Variants in NAV3 observed in about 807,000 individuals in gnomAD.
NAV3 encodes neuron navigator 3, also known as pore membrane and/or filament interacting like protein 1.
In NAV3, 87 loss-of-function variants were observed where a neutral mutation model predicts 244.7. The ratio of observed to expected loss-of-function variants is 0.36; its 90% CI spans 0.30 to 0.42. The LOEUF is 0.42. Among genes scored for constraint, NAV3 ranks in the 20% least tolerant of loss-of-function variants. NAV3 has a pLI of 1.00. For synonymous variants in NAV3, 1,126 were observed against 1,042.2 expected (o/e 1.08, Z -1.55); for missense variants, 2,663 against 2,893.3 (o/e 0.92, Z 1.83).
At chr12:78,102,053 T>G (rs1296520454) in intron 12 of NAV3, among the ~76,000 whole-genome samples, 1 of 152,166 alleles carries the variant, frequency 6.6e-6, no homozygotes, top group Non-Finnish European at 1.5e-5. Context: ...CTAGTTTTCC[T>G]CTGAAAACAA....
intron 1 of NAV3, among the ~76,000 whole-genome samples, chr12:77,911,953 C>T (rs1886639205): frequency 6.6e-6 from 1 of 151,992 alleles, no homozygotes; most frequent in Admixed American, 6.6e-5. Flanking sequence ...AAGCCTTTAC[C>T]TCACATTTGC....
At chr12:78,151,266 T>C (rs1957071577) in intron 22 of NAV3, among the ~76,000 whole-genome samples, 1 of 152,088 alleles carries the variant, frequency 6.6e-6, no homozygotes, top group East Asian at 1.9e-4. Flanking sequence ...TGTTTTATGT[T>C]CCTTTAAACA....
intron 5 of NAV3, among the ~76,000 whole-genome samples, chr12:77,982,218 A>ATAGAGT (rs1593189401): frequency 7.4e-6 from 1 of 134,684 alleles, no homozygotes. Flanking sequence ...CATATGGCTT[A>ATAGAGT]ATGAAAGATG....
chr12:77,977,221 T>C (rs999118568), intron 5 of NAV3, among the ~76,000 whole-genome samples: 8 of 152,184 alleles, frequency 5.3e-5, no homozygotes, highest in East Asian at 3.9e-4. Flanking sequence ...TTCAGTGAAG[T>C]AGTTGCTATG....
At chr12:77,866,071 A>G (rs1413111844) in intron 1 of NAV3, among the ~76,000 whole-genome samples, 1 of 152,184 alleles carries the variant, frequency 6.6e-6, no homozygotes, top group Non-Finnish European at 1.5e-5. Context: ...AAGAGTAATT[A>G]ATAAAATTTC....
At chr12:77,672,321 G>A (rs529541455) in intron 2 of NAV3, among the ~76,000 whole-genome samples, 7 of 152,030 alleles carry the variant, frequency 4.6e-5, no homozygotes, top group Non-Finnish European at 1.0e-4. Context: ...AAACCATTAC[G>A]GAAAATAGTG....
At chr12:77,755,548 C>T (rs569289264) in intron 2 of NAV3, among the ~76,000 whole-genome samples, 19 of 51,994 alleles carry the variant, frequency 3.7e-4, no homozygotes, top group African/African-American at 1.6e-3. Flanking sequence ...CTTTCCTTTC[C>T]TTTCCTTTCC....
At chr12:77,907,456 C>T (rs1004275217) in intron 1 of NAV3, among the ~76,000 whole-genome samples, 3 of 152,086 alleles carry the variant, frequency 2.0e-5, no homozygotes, top group Non-Finnish European at 4.4e-5. Context: ...TTTTATAAAA[C>T]TTACCCACTT....
intron 2 of NAV3, among the ~76,000 whole-genome samples, chr12:77,776,105 A>T (rs2135895668): frequency 6.6e-6 from 1 of 152,338 alleles, no homozygotes; most frequent in East Asian, 1.9e-4. Context: ...ATAGAAGCCC[A>T]ATTAATGTGT....
At chr12:77,627,230 G>A (rs11106018) in intron 2 of NAV3, among the ~76,000 whole-genome samples, 17,583 of 151,914 alleles carry the variant, frequency 0.12, 1,840 homozygotes, top group African/African-American at 0.28. Flanking sequence ...AAAGCGTGCA[G>A]GAACAACTAT....
chr12:78,074,184 C>T (rs775463082), intron 12 of NAV3, among the ~76,000 whole-genome samples: 56 of 152,156 alleles, frequency 3.7e-4, no homozygotes, highest in Non-Finnish European at 7.8e-4. Flanking sequence ...TACAGGAATC[C>T]CAAAAAGGCT....
In NAV3 at chr12:78,122,223, G is replaced by C. The variant is rs917683869; in HGVS notation, c.4033G>C (p.Val1345Leu). ...SVHSFTSGGLVWAANMSSSSA... is the reference protein window; with the variant it reads ...SVHSFTSGGLLWAANMSSSSA... ...TCACTCTTTCACATCAGGTGGTCTC[G>C]TGTGGGCTGCCAATATGAGCAGTTC... Residue 1345 changes from valine (V) to leucine (L), a missense_variant, in exon 16 of 40, where the codon GTG becomes CTG. By Grantham distance (32) the Val-to-Leu change is conservative. Around this residue, in one of 6 missense-constraint regions of NAV3, gnomAD observed 354 missense variants for 413.0 expected, o/e 0.86. Coordinates refer to ENST00000397909, the MANE Select transcript of NAV3 (RefSeq NM_001024383.2). The C allele has an allele frequency of 6.2e-7, 1 of 1,614,030 alleles. No homozygotes were observed. The highest frequency in any genetic ancestry group is 8.5e-7 in the Non-Finnish European group (1 of 1,180,032).
intron 2 of NAV3, among the ~76,000 whole-genome samples, chr12:77,794,417 C>A (rs963555915): frequency 2.0e-5 from 3 of 152,106 alleles, no homozygotes; most frequent in African/African-American, 4.8e-5. Flanking sequence ...ATCCCTACAC[C>A]CTTACCAGTC....
At chr12:77,897,857 A>G (rs1319472647) in intron 1 of NAV3, among the ~76,000 whole-genome samples, 1 of 152,096 alleles carries the variant, frequency 6.6e-6, no homozygotes, top group Admixed American at 6.6e-5. Flanking sequence ...TGTATTTACC[A>G]TGGATTCTAC....
At chr12:77,982,640 C>A (rs1283442674) in intron 5 of NAV3, among the ~76,000 whole-genome samples, 6 of 152,110 alleles carry the variant, frequency 3.9e-5, no homozygotes, top group Non-Finnish European at 8.8e-5. Context: ...AATCTAATGG[C>A]ACAAAACAGT....
chr12:78,047,624 C>T (rs1882051197), intron 9 of NAV3, among the ~76,000 whole-genome samples: 1 of 152,210 alleles, frequency 6.6e-6, no homozygotes, highest in South Asian at 2.1e-4. Context: ...GCCTTTCTCT[C>T]TGGCTGCCCT....
intron 28 of NAV3, 117 bp from the exon 29 acceptor site, chr12:78,179,412 A>G: frequency 8.3e-7 from 1 of 1,208,606 alleles, no homozygotes; most frequent in Non-Finnish European, 1.1e-6. Context: ...TTTTGCCAGC[A>G]GCACACCATA....
chr12:77,683,520 G>T (rs1008035460), intron 2 of NAV3, among the ~76,000 whole-genome samples: 3 of 151,978 alleles, frequency 2.0e-5, no homozygotes, highest in African/African-American at 7.2e-5. Context: ...TTGTGATTCC[G>T]TATGAATTTT....
intron 2 of NAV3, among the ~76,000 whole-genome samples, chr12:77,698,755 A>T (rs757648354): frequency 3.9e-5 from 6 of 152,300 alleles, no homozygotes; most frequent in Middle Eastern, 6.8e-3. Flanking sequence ...AAGGCTGGTA[A>T]AATTCTCTAT....
Sources: gnomAD v4.1 joint callset for allele counts (sites outside exome capture counted in the v4.1 genomes callset) on GRCh38, gnomAD v4.1.1 for gene constraint, gnomAD v4.1.1 regional missense constraint, MANE v1.5 for transcripts, NCBI Gene and HGNC (gene_info 2026-07-23, HGNC 2026-07-21) for gene names.